TBC1D5: variants seen among roughly 807,000 people sequenced by gnomAD.
The protein encoded by TBC1D5 is TBC1 domain family member 5.
TBC1D5 carries 75 observed loss-of-function variants against 100.3 expected under a neutral mutation model. The ratio of observed to expected loss-of-function variants is 0.75; its 90% CI spans 0.62 to 0.91. The LOEUF is 0.91. TBC1D5 is among the 40% of genes least tolerant of loss of function. The probability of loss-of-function intolerance (pLI) is 0.00; values close to 1 mark genes in which losing one functional copy is unlikely to be tolerated. For synonymous variants in TBC1D5, 323 were observed against 325.6 expected, an observed-to-expected ratio of 0.99 and a Z score of 0.09; for missense variants, 910 against 942.4, an observed-to-expected ratio of 0.97 and a Z score of 0.45.
intron 17 of TBC1D5, among the ~76,000 whole-genome samples, chr3:17,236,999 T>G (rs965945226): frequency 2.0e-5 from 3 of 152,206 alleles, no homozygotes; most frequent in Admixed American, 1.3e-4. Flanking sequence ...TCCATTTAAC[T>G]TAAGTTTACC....
At chr3:17,185,077 C>A (rs2125509351) in intron 19 of TBC1D5, 32 bp downstream of exon 20, 2 of 1,596,638 alleles carry the variant, frequency 1.3e-6, no homozygotes, top group South Asian at 2.2e-5. Flanking sequence ...TGATGAGTCT[C>A]ATCGTTCCCA....
At chr3:17,557,664 C>A (rs964030438) in intron 2 of TBC1D5, among the ~76,000 whole-genome samples, 4 of 152,162 alleles carry the variant, frequency 2.6e-5, no homozygotes, top group African/African-American at 9.7e-5. Flanking sequence ...GATCCTCCCA[C>A]CTCACCTTCC....
At chr3:17,704,509 C>T (rs2073699909) in intron 1 of TBC1D5, among the ~76,000 whole-genome samples, 1 of 113,326 alleles carries the variant, frequency 8.8e-6, no homozygotes, top group South Asian at 3.5e-4. Context: ...CGGGCAGAGG[C>T]GCCCCTCACC....
At chr3:17,394,154 T>C (rs1012810648) in intron 8 of TBC1D5, among the ~76,000 whole-genome samples, 1 of 152,136 alleles carries the variant, frequency 6.6e-6, no homozygotes, top group African/African-American at 2.4e-5. Flanking sequence ...TGAGAAACAC[T>C]GCATTACAAT....
At chr3:17,625,007 C>T (rs62248278) in intron 1 of TBC1D5, among the ~76,000 whole-genome samples, 3,431 of 152,088 alleles carry the variant, frequency 0.023, 51 homozygotes, top group Middle Eastern at 0.061. Context: ...GGTAAACCAC[C>T]GGAAGCAAGT....
intron 1 of TBC1D5, among the ~76,000 whole-genome samples, chr3:17,709,095 A>T (rs2074450464): frequency 6.6e-6 from 1 of 152,204 alleles, no homozygotes; most frequent in South Asian, 2.1e-4. Context: ...TTCTAACTTT[A>T]TAAAATTTAT....
intron 2 of TBC1D5, among the ~76,000 whole-genome samples, chr3:17,578,635 T>A (rs1384863032): frequency 6.6e-6 from 1 of 152,032 alleles, no homozygotes; most frequent in Non-Finnish European, 1.5e-5. Flanking sequence ...CTCTTGAACT[T>A]GAGCTGACAA....
intron 18 of TBC1D5, among the ~76,000 whole-genome samples, chr3:17,210,710 A>G (rs1183376099): frequency 6.6e-6 from 1 of 152,010 alleles, no homozygotes; most frequent in Non-Finnish European, 1.5e-5. Flanking sequence ...ACTTTTTCCT[A>G]CCTTAAAACT....
chr3:17,176,600 C>T (rs531327302), intron 19 of TBC1D5, among the ~76,000 whole-genome samples: 17 of 151,946 alleles, frequency 1.1e-4, no homozygotes, highest in South Asian at 2.1e-4. Flanking sequence ...AGCTGAACAA[C>T]GAGAGCACAT....
At chr3:17,630,900 C>T (rs1342782222) in intron 1 of TBC1D5, among the ~76,000 whole-genome samples, 2 of 150,190 alleles carry the variant, frequency 1.3e-5, no homozygotes, top group South Asian at 2.1e-4. Context: ...AAAAAATAGC[C>T]GGGTGTGGTT....
chr3:17,542,167 G>A (rs1361733610), intron 2 of TBC1D5, among the ~76,000 whole-genome samples: 1 of 152,046 alleles, frequency 6.6e-6, no homozygotes, highest in Non-Finnish European at 1.5e-5. Flanking sequence ...GCACACACTT[G>A]TAGTCTCAGC....
intron 2 of TBC1D5, among the ~76,000 whole-genome samples, chr3:17,550,474 T>G (rs2096462671): frequency 6.6e-6 from 1 of 151,762 alleles, no homozygotes; most frequent in African/African-American, 2.4e-5. Context: ...CCTGTAAAAG[T>G]TAAACAAGAC....
intron 3 of TBC1D5, among the ~76,000 whole-genome samples, chr3:17,502,197 T>A (rs2095795307): frequency 6.7e-6 from 1 of 149,908 alleles, no homozygotes; most frequent in African/African-American, 2.5e-5. Flanking sequence ...TTCTCTTCTA[T>A]TCCTCATGTC....
chr3:17,662,952 G>A (rs763271322), intron 1 of TBC1D5: 1 of 151,956 alleles, frequency 6.6e-6, no homozygotes, highest in South Asian at 2.1e-4. Context: ...TTCTTACTGG[G>A]GTTCATGGGC....
At chr3:17,676,084 T>G (rs1400466155) in intron 1 of TBC1D5, among the ~76,000 whole-genome samples, 1 of 152,122 alleles carries the variant, frequency 6.6e-6, no homozygotes, top group Non-Finnish European at 1.5e-5. Context: ...ATAAAGACAT[T>G]TCTCTGATTA....
chr3:17,388,960 A>G lies in TBC1D5; in HGVS notation c.510-4945T>C, dbSNP rs188581152. Among the ~76,000 whole-genome samples the G allele has an allele frequency of 4.6e-5, 7 of 152,270 alleles. No individual in the cohort carries two copies. The East Asian group carries it at 1.4e-3, about 29-fold the overall frequency. On this transcript the variant is annotated intron_variant, in intron 8 of 21. Coordinates refer to ENST00000253692, the Ensembl canonical transcript of TBC1D5. ...ATAATCTATTAATCAAATAACCAGTAAATGTTCAAATTTCTGTGACTGTCT... is the reference window on the plus strand; with the variant it reads ...ATAATCTATTAATCAAATAACCAGTGAATGTTCAAATTTCTGTGACTGTCT...
At chr3:17,435,952 T>C (rs1324491520) in intron 3 of TBC1D5, among the ~76,000 whole-genome samples, 1 of 152,222 alleles carries the variant, frequency 6.6e-6, no homozygotes, top group East Asian at 1.9e-4. Context: ...AAAGAACTAC[T>C]GTGGCACAGA....
chr3:17,247,772 A>G (rs779991509), intron 16 of TBC1D5, among the ~76,000 whole-genome samples: 1 of 152,214 alleles, frequency 6.6e-6, no homozygotes, highest in Non-Finnish European at 1.5e-5. Flanking sequence ...AGCTTATGTA[A>G]TATTTTAAAT....
intron 2 of TBC1D5, among the ~76,000 whole-genome samples, chr3:17,559,233 T>C (rs1463587344): frequency 1.3e-5 from 2 of 151,988 alleles, no homozygotes; most frequent in Non-Finnish European, 2.9e-5. Context: ...CTCTGCCTCC[T>C]AGGTTCAAGC....
Sources: allele counts gnomAD v4.1 joint callset (sites outside exome capture counted in the v4.1 genomes callset), GRCh38; gene constraint gnomAD v4.1.1; transcripts MANE v1.5; gene names NCBI Gene and HGNC (gene_info 2026-07-23, HGNC 2026-07-21).